The following WASHC4 variants were observed in gnomAD, a reference collection of about 807,000 sequenced individuals.
WASHC4 encodes the protein WASH complex subunit 7.
In WASHC4, 86 loss-of-function variants were observed where a neutral mutation model predicts 166.6. The ratio of observed to expected loss-of-function variants is 0.52; its 90% CI spans 0.43 to 0.62. The LOEUF (loss-of-function observed/expected upper bound fraction) is 0.62. Among genes scored for constraint, WASHC4 ranks in the 20% least tolerant of loss-of-function variants. WASHC4 has a pLI of 0.00. For missense variants in WASHC4, 1,262 were observed against 1,382.4 expected (o/e 0.91, Z 1.38); for synonymous variants, 446 against 451.6 (o/e 0.99, Z 0.16).
chr12:105,147,915 A>AAC, intron 24 of WASHC4: 1 of 984,938 alleles, frequency 1.0e-6, no homozygotes, highest in East Asian at 1.1e-4. Flanking sequence ...CAAAAAAAAA[A>AAC]AAACAAACAA....
chr12:105,163,450 C>A (rs1368194511), intron 30 of WASHC4, among the ~76,000 whole-genome samples: 2 of 152,102 alleles, frequency 1.3e-5, no homozygotes, highest in African/African-American at 4.8e-5. Context: ...TATTTAGTTT[C>A]TCTGGTTTCC....
At chr12:105,132,607 G>C (rs1216217674) in intron 13 of WASHC4, among the ~76,000 whole-genome samples, 4 of 152,230 alleles carry the variant, frequency 2.6e-5, no homozygotes, top group African/African-American at 9.6e-5. Context: ...ATAGTAGAGA[G>C]AATTACATTT....
chr12:105,144,866 G>C lies in WASHC4; in HGVS notation c.2328G>C (p.Leu776Phe), dbSNP rs760611379. The stretch of plus-strand genomic sequence containing the variant: ...AGGCACATCTTCCCAGTCAGACTTT[G>C]GAACAGGTATAGTATAAAATGTTTT... ...MTEAHLPSQT[L>F]EQGLDVLEIM... is the part of the protein sequence containing the mutation. The change falls in exon 22 of 33, where the codon TTG (leucine) becomes TTC (phenylalanine). Residue 776 changes from leucine to phenylalanine, a missense_variant. Transcript: ENST00000332180. 1 of 1,611,862 alleles carries C rather than the reference G, an allele frequency of 6.2e-7. No individual in the cohort carries two copies. Among genetic ancestry groups the C allele is most frequent in the South Asian group, 1.1e-5 (1 of 90,956 alleles).
At chr12:105,146,670 G>A in intron 23 of WASHC4, 144 bp downstream of exon 23, 2 of 640,468 alleles carry the variant, frequency 3.1e-6, no homozygotes, top group Non-Finnish European at 5.5e-6. Context: ...TTTTTGCCTT[G>A]ATTATACCAG....
intron 6 of WASHC4, 102 bp downstream of exon 6, chr12:105,115,830 A>T (rs1294878077): frequency 1.3e-6 from 1 of 776,966 alleles, no homozygotes; most frequent in Non-Finnish European, 2.3e-6. Context: ...AAAGATGTGT[A>T]CTCTGAGGAT....
At chr12:105,153,291 G>T (rs1883910156) in intron 26 of WASHC4, among the ~76,000 whole-genome samples, 1 of 152,146 alleles carries the variant, frequency 6.6e-6, no homozygotes, top group Non-Finnish European at 1.5e-5. Flanking sequence ...TCTGTTAGGT[G>T]CTGGGAATAC....
At chr12:105,155,784 G>A (rs1228994172) in intron 26 of WASHC4, among the ~76,000 whole-genome samples, 1 of 152,204 alleles carries the variant, frequency 6.6e-6, no homozygotes, top group African/African-American at 2.4e-5. Context: ...GGAGGTTGCA[G>A]TGAGCTGAGA....
intron 10 of WASHC4, among the ~76,000 whole-genome samples, chr12:105,125,410 A>T (rs7305712): frequency 0.2 from 30,625 of 152,090 alleles, 4,565 homozygotes; most frequent in African/African-American, 0.42. Flanking sequence ...TAATTGACTT[A>T]TGTTATCCAT....
At chr12:105,133,978 G>T (rs561376259) in intron 14 of WASHC4, 82 bp downstream of exon 14, 422 of 1,311,494 alleles carry the variant, frequency 3.2e-4, no homozygotes, top group South Asian at 7.6e-4. Context: ...TGAACAAAGG[G>T]TAGAGTATGT....
chr12:105,125,064 C>G (rs1299917944), intron 10 of WASHC4, among the ~76,000 whole-genome samples: 1 of 152,158 alleles, frequency 6.6e-6, no homozygotes, highest in African/African-American at 2.4e-5. Context: ...CTGCTTTAAG[C>G]AGGTTCCACT....
Position 105,152,402 on chromosome 12 carries a change from T to G in WASHC4, c.2709T>G (p.Pro903=). Residue 903 remains proline (P), a synonymous_variant, in exon 26 of 33, where the codon CCT becomes CCG. Coordinates refer to ENST00000332180, the MANE Select transcript of WASHC4 (RefSeq NM_015275.3). ...GCATCAGAAAACTTGGAGTAACACCTGAGGGACAGAGCTACCTTGATCAAT... is the reference window on the plus strand; with the variant it reads ...GCATCAGAAAACTTGGAGTAACACCGGAGGGACAGAGCTACCTTGATCAAT... ...NRGIRKLGVT[P]EGQSYLDQFR... The G allele has an allele frequency of 6.2e-7, 1 of 1,607,274 alleles. No individual in the cohort carries two copies. Among genetic ancestry groups the G allele is most frequent in the South Asian group, 1.1e-5 (1 of 90,912 alleles).
chr12:105,168,017 AAAAT>A lies in WASHC4; in HGVS notation c.*1090_*1093del, dbSNP rs1884896879. 6.6e-6 allele frequency: 1 copy of A among 152,034 alleles called. No individual in the cohort carries two copies. Among genetic ancestry groups the A allele is most frequent in the Non-Finnish European group, 1.5e-5 (1 of 67,954 alleles). 9.4% of individuals were successfully genotyped at this position (152,034 alleles called of 1,614,324 possible). On this transcript the variant is annotated 3_prime_UTR_variant, in exon 33 of 33. Transcript: ENST00000332180. Reference sequence around the variant, plus strand: ...TGGTTAATCATGGCCTTTTAAAAATAAAATAAAGTGATACCTTTACAATGAAGAC... The same window carrying A: ...TGGTTAATCATGGCCTTTTAAAAATAAAAGTGATACCTTTACAATGAAGAC...
At chr12:105,112,521 A>G (rs550601189) in intron 2 of WASHC4, among the ~76,000 whole-genome samples, 1 of 152,286 alleles carries the variant, frequency 6.6e-6, no homozygotes, top group South Asian at 2.1e-4. Flanking sequence ...TGGCTATACC[A>G]TTTTACATTA....
intron 27 of WASHC4, among the ~76,000 whole-genome samples, 162 bp from the exon 28 acceptor site, chr12:105,157,074 A>G (rs1450675180): frequency 1.3e-5 from 2 of 152,224 alleles, no homozygotes; most frequent in Admixed American, 6.5e-5. Flanking sequence ...CTAAAATTCA[A>G]TTTGGAACTA....
In WASHC4 at chr12:105,144,782, G is replaced by C. The variant is rs1457446128; in HGVS notation, c.2244G>C (p.Trp748Cys). Residue 748 changes from tryptophan (W) to cysteine (C), a missense_variant, in exon 22 of 33, where the codon TGG (tryptophan) becomes TGC (cysteine). By Grantham distance (215) the Trp-to-Cys change is radical (BLOSUM62 -2). Coordinates refer to ENST00000332180, the MANE Select transcript of WASHC4 (RefSeq NM_015275.3). ...YNLTTVALHDWATYSEMRNLA... is the reference protein window; with the variant it reads ...YNLTTVALHDCATYSEMRNLA... Reference sequence around the variant, plus strand: ...TAACAACTGTAGCCCTTCATGACTGGGCCACTTATAGTGAGATGAGAAACT... The same window carrying C: ...TAACAACTGTAGCCCTTCATGACTGCGCCACTTATAGTGAGATGAGAAACT... The C allele has an allele frequency of 1.2e-6, 2 of 1,612,556 alleles. No homozygotes were observed. The highest frequency in any genetic ancestry group is 2.2e-5 in the South Asian group (2 of 91,030).
rs934211493 is a variant in WASHC4, at chr12:105,115,857, A to G, written c.435+129A>G. On this transcript the variant is annotated intron_variant, in intron 6 of 32. Coordinates refer to ENST00000332180, the MANE Select transcript of WASHC4 (RefSeq NM_015275.3). ...TCTGAGGATAAGACACTTAATTAGC[A>G]TTGGATTATAGTTTAGGAGATCATA... 1.4e-5 allele frequency: 10 copies of G among 705,246 alleles called. No homozygotes were observed. The African/African-American group carries it at 1.8e-4, about 12-fold the overall frequency. 43.7% of individuals were successfully genotyped at this position (705,246 alleles called of 1,614,324 possible).
intron 10 of WASHC4, 26 bp from the exon 11 acceptor site, chr12:105,125,978 T>C: frequency 6.2e-7 from 1 of 1,604,658 alleles, no homozygotes; most frequent in African/African-American, 1.3e-5. Context: ...AGAGTCTGAA[T>C]TTCTCTTTCA....
rs75416032 is a variant in WASHC4 at position 105,139,140 on chromosome 12, A to T, written c.1452+1129A>T. 3.3e-3 allele frequency among the ~76,000 whole-genome samples: 501 copies of T among 151,892 alleles called. 20 individuals carry two copies. The East Asian group carries it at 0.073, about 22-fold the overall frequency. On this transcript the variant is annotated intron_variant, in intron 15 of 32. Coordinates refer to ENST00000332180, the MANE Select transcript of WASHC4 (RefSeq NM_015275.3). ...TTTTTGATCCATTTTTTTATTCAAC[A>T]TTTTGTTTTTTACTCAGCATTTTGT...
At position 105,120,536 on chromosome 12, in the gene WASHC4, G is replaced by A. The variant is rs1565997201; in HGVS notation, c.519-19G>A. ...ACAAAAAGGAAGTTTTTTTTAACTT[G>A]GTTGTTATTTTATTATAGGATTGCA... On this transcript the variant is annotated intron_variant, in intron 7 of 32. Transcript: ENST00000332180. 1.3e-6 allele frequency: 2 copies of A among 1,525,406 alleles called. No individual in the cohort carries two copies. Among genetic ancestry groups the A allele is most frequent in the Non-Finnish European group, 1.8e-6 (2 of 1,100,428 alleles). 94.5% of individuals were successfully genotyped at this position (1,525,406 alleles called of 1,614,324 possible). A position where few individuals can be genotyped will look rare whatever the true frequency, so the allele number is the denominator to read the frequency against.
Sources: allele counts gnomAD v4.1 joint callset (sites outside exome capture counted in the v4.1 genomes callset), GRCh38; gene constraint gnomAD v4.1.1; transcripts MANE v1.5; gene names NCBI Gene and HGNC (gene_info 2026-07-23, HGNC 2026-07-21).